The following SP140L variants were observed in gnomAD, a reference collection of about 807,000 sequenced individuals.
The protein encoded by SP140L is SP140 like nuclear body protein.
SP140L carries 64 observed loss-of-function variants against 84.3 expected under a neutral mutation model. The ratio of observed to expected loss-of-function variants is 0.76; its 90% CI spans 0.62 to 0.94. The LOEUF (loss-of-function observed/expected upper bound fraction) is 0.94. Among genes scored for constraint, SP140L ranks in the 40% least tolerant of loss-of-function variants. The pLI is 0.00. For synonymous variants in SP140L, 242 were observed against 236.9 expected, an observed-to-expected ratio of 1.02 and a Z score of -0.20; for missense variants, 628 against 692.5, an observed-to-expected ratio of 0.91 and a Z score of 1.05.
intron 2 of SP140L, among the ~76,000 whole-genome samples, chr2:230,344,024 A>G (rs889301088): frequency 1.3e-5 from 2 of 152,180 alleles, no homozygotes; most frequent in Admixed American, 6.5e-5. Flanking sequence ...AGTTCTGTAG[A>G]TATCTATCAG....
intron 2 of SP140L, among the ~76,000 whole-genome samples, chr2:230,354,136 T>C (rs2060446727): frequency 6.6e-6 from 1 of 152,166 alleles, no homozygotes; most frequent in Non-Finnish European, 1.5e-5. Context: ...CTGGGGTAAC[T>C]TTTTCCTCTT....
At chr2:230,364,092 G>A (rs1347246420) in intron 5 of SP140L, among the ~76,000 whole-genome samples, 1 of 152,130 alleles carries the variant, frequency 6.6e-6, no homozygotes, top group Non-Finnish European at 1.5e-5. Context: ...AAGTCAGGTA[G>A]TGTGATGCTT....
chr2:230,381,309 T>C (rs1372588052), intron 7 of SP140L, among the ~76,000 whole-genome samples: 1 of 152,186 alleles, frequency 6.6e-6, no homozygotes, highest in Non-Finnish European at 1.5e-5. Flanking sequence ...TTTATACTGG[T>C]CAGGGAATAA....
At chr2:230,355,631 G>C (rs1259773755) in intron 2 of SP140L, among the ~76,000 whole-genome samples, 1 of 152,108 alleles carries the variant, frequency 6.6e-6, no homozygotes, top group Non-Finnish European at 1.5e-5. Flanking sequence ...CTTTCTTTAA[G>C]CCATGGTATT....
chr2:230,362,106 C>G (rs939428169), intron 5 of SP140L, among the ~76,000 whole-genome samples: 1 of 152,186 alleles, frequency 6.6e-6, no homozygotes, highest in Non-Finnish European at 1.5e-5. Flanking sequence ...TATCTGTACT[C>G]TCACATTCTC....
chr2:230,393,853 T>A (rs1340876026), intron 13 of SP140L, among the ~76,000 whole-genome samples: 1 of 152,236 alleles, frequency 6.6e-6, no homozygotes, highest in East Asian at 1.9e-4. Context: ...TTTTCATTGA[T>A]GTTATTATTT....
At chr2:230,376,483 A>C (rs1368769041) in intron 7 of SP140L, among the ~76,000 whole-genome samples, 1 of 152,218 alleles carries the variant, frequency 6.6e-6, no homozygotes, top group Non-Finnish European at 1.5e-5. Context: ...TCCCATTTAC[A>C]ATAGCAACAA....
At chr2:230,397,945 C>A (rs1033962014) in intron 14 of SP140L, among the ~76,000 whole-genome samples, 6 of 152,130 alleles carry the variant, frequency 3.9e-5, no homozygotes, top group African/African-American at 1.2e-4. Flanking sequence ...ACAGATCCAG[C>A]AAAGGTATGG....
chr2:230,333,722 T>C (rs1170233161), intron 2 of SP140L, among the ~76,000 whole-genome samples: 1 of 152,146 alleles, frequency 6.6e-6, no homozygotes, highest in Non-Finnish European at 1.5e-5. Flanking sequence ...TAGTTGGATA[T>C]TGGGTTTCCT....
At chr2:230,341,777 G>A (rs978362501) in intron 2 of SP140L, among the ~76,000 whole-genome samples, 18 of 152,136 alleles carry the variant, frequency 1.2e-4, no homozygotes, top group Non-Finnish European at 2.1e-4. Context: ...TGCCCCTGCT[G>A]GGGGGTGCCT....
At chr2:230,368,014 C>T (rs183424009) in intron 5 of SP140L, among the ~76,000 whole-genome samples, 2 of 152,334 alleles carry the variant, frequency 1.3e-5, no homozygotes, top group African/African-American at 4.8e-5. Context: ...TTACACACCA[C>T]CATTACAGTA....
rs369232273 is a variant in SP140L, at chr2:230,402,821, A to T, written c.1668A>T (p.Gly556=). The change falls in exon 19 of 19, where the codon GGA becomes GGT. Residue 556 remains glycine, a synonymous_variant. Coordinates refer to ENST00000415673, the MANE Select transcript of SP140L (RefSeq NM_138402.6). ...SYKYKDFGQM[G]LRLEAEFEKD... ...AGTATAAGGATTTTGGCCAAATGGG[A>T]CTTAGACTGGAGGCTGAATTTGAGA... 1.2e-6 allele frequency: 2 copies of T among 1,612,310 alleles called. No individual in the cohort carries two copies. Among genetic ancestry groups the T allele is most frequent in the African/African-American group, 2.7e-5 (2 of 74,830 alleles).
intron 12 of SP140L, 77 bp downstream of exon 12, chr2:230,392,306 A>T: frequency 6.3e-7 from 1 of 1,593,612 alleles, no homozygotes; most frequent in Admixed American, 1.7e-5. Context: ...TTATTCACCA[A>T]ATATTTGTTA....
At chr2:230,366,226 T>C (rs1347589368) in intron 5 of SP140L, among the ~76,000 whole-genome samples, 1 of 152,178 alleles carries the variant, frequency 6.6e-6, no homozygotes, top group African/African-American at 2.4e-5. Flanking sequence ...GAAAGTCTTT[T>C]ACTATTATTG....
intron 2 of SP140L, among the ~76,000 whole-genome samples, chr2:230,336,695 T>G (rs1023287590): frequency 3.9e-5 from 6 of 152,240 alleles, no homozygotes; most frequent in Non-Finnish European, 8.8e-5. Flanking sequence ...CTTGTCAACT[T>G]CTAACAGAGA....
Position 230,402,843 on chromosome 2 carries a change from G to A in SP140L, c.1690G>A (p.Glu564Lys). Residue 564 changes from glutamate to lysine, a missense_variant, in exon 19 of 19, where the codon GAG (glutamate) becomes AAG (lysine). Around this residue, in one of 4 missense-constraint regions of SP140L, gnomAD observed 44 missense variants for 36.1 expected, o/e 1.22. Transcript: ENST00000415673. ...GGGACTTAGACTGGAGGCTGAATTT[G>A]AGAAGGATTTCAAGGAAGTGTTTGC... ...QMGLRLEAEFEKDFKEVFAIQ... is the reference protein window; with the variant it reads ...QMGLRLEAEFKKDFKEVFAIQ... 1 of 1,613,172 alleles carries A rather than the reference G, an allele frequency of 6.2e-7. No homozygotes were observed. The highest frequency in any genetic ancestry group is 8.5e-7 in the Non-Finnish European group (1 of 1,179,774).
chr2:230,390,627 A>G (rs1482179737), intron 11 of SP140L, among the ~76,000 whole-genome samples: 1 of 152,360 alleles, frequency 6.6e-6, no homozygotes, highest in Non-Finnish European at 1.5e-5. Flanking sequence ...AAAAATGTCT[A>G]TCAGAATGGC....
At chr2:230,387,423 T>C (rs2061630371) in intron 9 of SP140L, among the ~76,000 whole-genome samples, 1 of 152,202 alleles carries the variant, frequency 6.6e-6, no homozygotes, top group South Asian at 2.1e-4. Flanking sequence ...GGTAAAAACC[T>C]GGTCAGTAAC....
chr2:230,386,093 T>G (rs998226899), intron 9 of SP140L, among the ~76,000 whole-genome samples: 2 of 152,194 alleles, frequency 1.3e-5, no homozygotes, highest in Non-Finnish European at 2.9e-5. Flanking sequence ...CATCACAGCT[T>G]GACTTATTTT....
Sources: gnomAD v4.1 joint callset for allele counts (sites outside exome capture counted in the v4.1 genomes callset) on GRCh38, gnomAD v4.1.1 for gene constraint, gnomAD v4.1.1 regional missense constraint, MANE v1.5 for transcripts, NCBI Gene and HGNC (gene_info 2026-07-23, HGNC 2026-07-21) for gene names.